The following PLEKHD1 variants were observed in gnomAD, a reference collection of about 807,000 sequenced individuals.
PLEKHD1 encodes the protein pleckstrin homology and coiled-coil domain containing D1.
PLEKHD1 carries 51 observed loss-of-function variants against 69.2 expected under a neutral mutation model. That is an observed-to-expected ratio of 0.74 (90% CI 0.59 to 0.93). The LOEUF is 0.93. Ranked by LOEUF, PLEKHD1 falls within the 40% of genes least tolerant of loss-of-function variation. PLEKHD1 has a pLI of 0.00. For missense variants in PLEKHD1, 584 were observed against 641.0 expected (o/e 0.91, Z 0.96); for synonymous variants, 236 against 244.7 (o/e 0.96, Z 0.33).
the PLEKHD1 span, among the ~76,000 whole-genome samples, chr14:69,468,897 T>A: frequency 4.6e-5 from 7 of 152,242 alleles, no homozygotes; most frequent in African/African-American, 1.7e-4. Flanking sequence ...TCACCATTTA[T>A]TTCTATAGAA....
At chr14:69,511,442 G>A (rs1295737131) in intron 6 of PLEKHD1, among the ~76,000 whole-genome samples, 1 of 151,154 alleles carries the variant, frequency 6.6e-6, no homozygotes, top group Non-Finnish European at 1.5e-5. Flanking sequence ...ACAGGCATGA[G>A]CCACCTCACA....
Position 69,527,170 on chromosome 14 carries a change from C to A in PLEKHD1, c.1057-18C>A. ...CCAGGACCTGACTTCCTTCTCATTT[C>A]CCTCTCCTCAACCTCAGGCTGAGGT... On this transcript the variant is annotated intron_variant, in intron 10 of 12. Transcript: ENST00000322564. The A allele has an allele frequency of 6.6e-7, 1 of 1,516,988 alleles. No homozygotes were observed. The highest frequency in any genetic ancestry group is 8.8e-7 in the Non-Finnish European group (1 of 1,133,214). 94.0% of individuals were successfully genotyped at this position (1,516,988 alleles called of 1,614,324 possible). A position where few individuals can be genotyped will look rare whatever the true frequency, so the allele number is the denominator to read the frequency against.
chr14:69,480,894 C>A (rs1224983875), upstream of PLEKHD1, among the ~76,000 whole-genome samples: 1 of 152,190 alleles, frequency 6.6e-6, no homozygotes, highest in Admixed American at 6.5e-5. Flanking sequence ...CTGAAGTGAT[C>A]CACCCATCTC....
At chr14:69,475,116 C>T in the PLEKHD1 span, among the ~76,000 whole-genome samples, 2 of 152,194 alleles carry the variant, frequency 1.3e-5, no homozygotes, top group African/African-American at 4.8e-5. Flanking sequence ...GGTGACCAGC[C>T]TTTGGCTCCT....
rs1883748495 is a variant in PLEKHD1, at chr14:69,529,640, T to G, written c.*1221T>G. 2.0e-5 allele frequency: 3 copies of G among 152,144 alleles called. No homozygotes were observed. Among genetic ancestry groups the G allele is most frequent in the African/African-American group, 7.2e-5 (3 of 41,424 alleles). The allele number at this position is 152,144 out of a possible 1,614,324, so 9.4% of individuals were successfully genotyped here. A position where few individuals can be genotyped will look rare whatever the true frequency, so the allele number is the denominator to read the frequency against. ...TTCTGGTTGCGCAGGGAGGCAGTGTTCCTGCTGGTCGAGAGATCACAGATA... is the reference window on the plus strand; with the variant it reads ...TTCTGGTTGCGCAGGGAGGCAGTGTGCCTGCTGGTCGAGAGATCACAGATA... On this transcript the variant is annotated 3_prime_UTR_variant, in exon 13 of 13. Coordinates refer to ENST00000322564, the MANE Select transcript of PLEKHD1 (RefSeq NM_001161498.2).
At chr14:69,474,432 A>G in the PLEKHD1 span, among the ~76,000 whole-genome samples, 1 of 152,244 alleles carries the variant, frequency 6.6e-6, no homozygotes, top group African/African-American at 2.4e-5. Flanking sequence ...CCGAATTTTT[A>G]GACAAAGTTT....
intron 6 of PLEKHD1, chr14:69,503,088 G>C: frequency 1.7e-6 from 1 of 576,334 alleles, no homozygotes; most frequent in South Asian, 2.0e-5. Flanking sequence ...CCAACCCCTG[G>C]GAGTAAAGTG....
rs547419719 is a variant in PLEKHD1 at position 69,528,117 on chromosome 14, G to A, written c.1352-133G>A. The A allele has an allele frequency of 2.6e-4, 368 of 1,395,254 alleles. 1 individual carries two copies. In the African/African-American group the frequency reaches 4.5e-3, roughly 17 times the overall value. 86.4% of individuals were successfully genotyped at this position (1,395,254 alleles called of 1,614,324 possible). A position where few individuals can be genotyped will look rare whatever the true frequency, so the allele number is the denominator to read the frequency against. On this transcript the variant is annotated intron_variant, in intron 12 of 12. Transcript: ENST00000322564. ...GGTTTCTCAAAGGATATGGAAGCCC[G>A]TGTGTGTGGGAAGGGGCTGGAAGAA...
chr14:69,501,174 C>T lies in PLEKHD1; in HGVS notation c.410+227C>T, dbSNP rs549845063. 6.9e-6 allele frequency: 4 copies of T among 581,190 alleles called. No individual in the cohort carries two copies. The Admixed American group carries it at 1.2e-4, about 17-fold the overall frequency. The allele number at this position is 581,190 out of a possible 1,614,324, so 36.0% of individuals were successfully genotyped here. On this transcript the variant is annotated intron_variant, in intron 4 of 12. Transcript: ENST00000322564. ...GGTCACAGGTGGCAGGTGTGGGTAC[C>T]ATTTGTCTCCAACTCTTGGGAGTTG...
In PLEKHD1 at chr14:69,515,476, A is replaced by G. The variant is rs185869223; in HGVS notation, c.556-6807A>G. ...CTGCCTCATTAATGTGACTCTCTGT[A>G]TCTGTGTCTTAGGCCATTCTTGCAT... On this transcript the variant is annotated intron_variant, in intron 6 of 12. Coordinates refer to ENST00000322564, the MANE Select transcript of PLEKHD1 (RefSeq NM_001161498.2). Among the ~76,000 whole-genome samples the G allele has an allele frequency of 3.3e-3, 505 of 152,250 alleles. 3 individuals carry two copies. Among genetic ancestry groups the G allele is most frequent in the Non-Finnish European group, 5.4e-3 (369 of 68,000 alleles).
chr14:69,479,748 T>G (rs1882509981), upstream of PLEKHD1, among the ~76,000 whole-genome samples: 1 of 152,162 alleles, frequency 6.6e-6, no homozygotes, highest in Non-Finnish European at 1.5e-5. Flanking sequence ...GTGATTGTCT[T>G]TAGTTCATAC....
In PLEKHD1 at chr14:69,503,863, CAAAAAAAAAAAA is replaced by C. The variant is rs35831952; in HGVS notation, c.555+999_555+1010del. Reference sequence around the variant, plus strand: ...TGGGCGACAGAACGAGACTCCGTCTCAAAAAAAAAAAAAAAAAAAAAAAAAATCTCAGCGAAG... The same window carrying C: ...TGGGCGACAGAACGAGACTCCGTCTCAAAAAAAAAAAAAATCTCAGCGAAG... On this transcript the variant is annotated intron_variant, in intron 6 of 12. Transcript: ENST00000322564. Among the ~76,000 whole-genome samples, 13 of 39,138 alleles carry C rather than the reference CAAAAAAAAAAAA, an allele frequency of 3.3e-4. No individual in the cohort carries two copies. In the Admixed American group the frequency reaches 4.2e-3, roughly 13 times the overall value. The allele number at this position is 39,138 out of a possible 152,430, so 25.7% of individuals were successfully genotyped here.
chr14:69,501,570 G>A (rs1883024813), intron 4 of PLEKHD1, 164 bp from the exon 5 acceptor site: 1 of 573,498 alleles, frequency 1.7e-6, no homozygotes, highest in Non-Finnish European at 3.1e-6. Context: ...CTGGTGACAT[G>A]CCCAGAGCCA....
intron 6 of PLEKHD1, among the ~76,000 whole-genome samples, chr14:69,519,582 C>T (rs1014617133): frequency 6.6e-6 from 1 of 152,030 alleles, no homozygotes; most frequent in Non-Finnish European, 1.5e-5. Flanking sequence ...ATTGTCTTGC[C>T]GTATTATTTT....
chr14:69,500,756 G>T, intron 3 of PLEKHD1, 90 bp downstream of exon 3: 1 of 1,521,446 alleles, frequency 6.6e-7, no homozygotes, highest in South Asian at 1.2e-5. Context: ...GTCCTGGCCT[G>T]GGAGAGGGGC....
At chr14:69,525,768 C>T (rs1242585283) in intron 8 of PLEKHD1, among the ~76,000 whole-genome samples, 176 bp from the exon 9 acceptor site, 1 of 152,134 alleles carries the variant, frequency 6.6e-6, no homozygotes, top group African/African-American at 2.4e-5. Context: ...AGTAACCTTG[C>T]CCTGTTGTGG....
chr14:69,521,975 C>T (rs1348260248), intron 6 of PLEKHD1, among the ~76,000 whole-genome samples: 1 of 152,130 alleles, frequency 6.6e-6, no homozygotes, highest in Non-Finnish European at 1.5e-5. Flanking sequence ...AGCTGCCCTG[C>T]AGAGTAGATA....
rs569256941 is a variant in PLEKHD1, at chr14:69,492,628, G to A, written c.150-7487G>A. Among the ~76,000 whole-genome samples the A allele has an allele frequency of 5.9e-5, 9 of 152,280 alleles. No homozygotes were observed. The East Asian group carries it at 9.6e-4, about 16-fold the overall frequency. On this transcript the variant is annotated intron_variant, in intron 1 of 12. Coordinates refer to ENST00000322564, the MANE Select transcript of PLEKHD1 (RefSeq NM_001161498.2). ...CCCATTCCCAGCTATGTGATCTGGG[G>A]CATTATTTAATTTTTCTATGCCCCA...
rs963501578 is a variant in PLEKHD1, at chr14:69,527,924, G to C, written c.1343G>C (p.Trp448Ser). ...CACCGACGCCGGTCCAGCACCTCCT[G>C]GAATGACAGTGAGTGTGGCTGTCTG... ...RFHRRRSSTS[W>S]NDMKPSQSFM... The change falls in exon 12 of 13, where the codon TGG (tryptophan) becomes TCG (serine). Residue 448 changes from tryptophan to serine, a missense_variant. Coordinates refer to ENST00000322564, the MANE Select transcript of PLEKHD1 (RefSeq NM_001161498.2). 3.9e-6 allele frequency: 6 copies of C among 1,551,418 alleles called. No individual in the cohort carries two copies. Among genetic ancestry groups the C allele is most frequent in the Non-Finnish European group, 5.2e-6 (6 of 1,147,006 alleles).
Sources: gnomAD v4.1 joint callset for allele counts (sites outside exome capture counted in the v4.1 genomes callset) on GRCh38, gnomAD v4.1.1 for gene constraint, MANE v1.5 for transcripts, NCBI Gene and HGNC (gene_info 2026-07-23, HGNC 2026-07-21) for gene names.